Variants in MYZAP observed in about 807,000 individuals in gnomAD.
MYZAP encodes myocardial zonula adherens protein, also known as GRINL1A complex locus upstream.
A neutral mutation model predicts 69.4 loss-of-function variants in MYZAP; 66 were observed. The ratio of observed to expected loss-of-function variants is 0.95; its 90% CI spans 0.78 to 1.17. MYZAP has a LOEUF of 1.17. Ranked by LOEUF, MYZAP falls within the 50% of genes most tolerant of loss-of-function variation. MYZAP has a pLI of 0.00. For synonymous variants in MYZAP, 256 were observed against 205.9 expected (o/e 1.24, Z -2.09); for missense variants, 611 against 556.2 (o/e 1.10, Z -0.99).
At chr15:57,659,774 TTTA>T (rs1201520400) in intron 10 of MYZAP, among the ~76,000 whole-genome samples, 1 of 152,198 alleles carries the variant, frequency 6.6e-6, no homozygotes, top group Admixed American at 6.5e-5. Flanking sequence ...TTGGCTTCAT[TTTA>T]TTTTTTGAAT....
Position 57,630,368 on chromosome 15 carries a change from T to C in MYZAP, c.678+514T>C, listed in dbSNP as rs574133939. The stretch of plus-strand genomic sequence containing the variant: ...GACACTCACCATGGTGCTGTTGTTA[T>C]GTAACTGAGAAGACGCTTGGGATGC... On this transcript the variant is annotated intron_variant, in intron 6 of 12. Transcript: ENST00000267853. 1.3e-5 allele frequency among the ~76,000 whole-genome samples: 2 copies of C among 152,314 alleles called. 1 individual carries two copies. Among genetic ancestry groups the C allele is most frequent in the South Asian group, 4.1e-4 (2 of 4,830 alleles).
In MYZAP at chr15:57,618,175, A is replaced by C. The variant is rs1170667249; in HGVS notation, c.305A>C (p.Asn102Thr). Residue 102 changes from asparagine (N) to threonine (T), a missense_variant, in exon 3 of 13, where the codon AAC becomes ACC. By Grantham distance (65) the Asn-to-Thr change is moderately conservative. Coordinates refer to ENST00000267853, the MANE Select transcript of MYZAP (RefSeq NM_001018100.5). ...ACCAGTCAGCTGAAAGAAGAGATGA[A>C]CTACATCAAAGATGTGAGCCATTTA... is the stretch of plus-strand genomic sequence containing the variant. ...WSTSQLKEEMNYIKDVRATLE... is the reference protein window; with the variant it reads ...WSTSQLKEEMTYIKDVRATLE... 2 of 1,613,732 alleles carry C rather than the reference A, an allele frequency of 1.2e-6. No homozygotes were observed. Among genetic ancestry groups the C allele is most frequent in the Non-Finnish European group, 1.7e-6 (2 of 1,179,944 alleles).
intron 4 of MYZAP, among the ~76,000 whole-genome samples, chr15:57,624,558 G>C (rs117146323): frequency 0.015 from 2,248 of 152,320 alleles, 29 homozygotes; most frequent in South Asian, 0.045. Context: ...ATTCTGCCAT[G>C]ACTGTCAGAC....
chr15:57,665,565 C>T (rs1312845713), intron 11 of MYZAP, among the ~76,000 whole-genome samples: 1 of 152,232 alleles, frequency 6.6e-6, no homozygotes, highest in Non-Finnish European at 1.5e-5. Flanking sequence ...CACATGTCCT[C>T]AGTTAGTCCA....
At chr15:57,604,642 C>T (rs1022241347) in intron 2 of MYZAP, among the ~76,000 whole-genome samples, 19 of 152,142 alleles carry the variant, frequency 1.2e-4, no homozygotes, top group African/African-American at 3.4e-4. Context: ...GGTGCTGTGG[C>T]GGGGAACGTG....
intron 12 of MYZAP, among the ~76,000 whole-genome samples, chr15:57,681,600 C>G (rs2733610): frequency 6.6e-6 from 1 of 152,102 alleles, no homozygotes; most frequent in Non-Finnish European, 1.5e-5. Flanking sequence ...ACTGGCCCAC[C>G]CAGTGAAACT....
intron 2 of MYZAP, among the ~76,000 whole-genome samples, chr15:57,606,518 A>G (rs1319907022): frequency 2.0e-5 from 3 of 148,036 alleles, no homozygotes; most frequent in Non-Finnish European, 4.5e-5. Context: ...AAAAAAAATT[A>G]TATAAAAGAT....
At chr15:57,646,800 T>C in intron 10 of MYZAP, 4 of 985,508 alleles carry the variant, frequency 4.1e-6, no homozygotes, top group Non-Finnish European at 4.8e-6. Context: ...CATCAGCATT[T>C]TGCCTGAATT....
At chr15:57,653,601 T>G (rs1425299283) in intron 10 of MYZAP, among the ~76,000 whole-genome samples, 11 of 152,210 alleles carry the variant, frequency 7.2e-5, no homozygotes, top group Non-Finnish European at 1.3e-4. Flanking sequence ...TTAAAGAGTT[T>G]ATTTGAGCAG....
At position 57,637,591 on chromosome 15, in the gene MYZAP, G is replaced by T; in HGVS notation, c.934-104G>T. On this transcript the variant is annotated intron_variant, in intron 8 of 12. Transcript: ENST00000267853. ...CTGAGCAGGTGTGTAAAACCCAGGG[G>T]GTGTCATATAGACTTGGACTCCCTA... 6.4e-6 allele frequency: 8 copies of T among 1,253,336 alleles called. No homozygotes were observed. The Admixed American group carries it at 1.5e-4, about 24-fold the overall frequency. 77.6% of individuals were successfully genotyped at this position (1,253,336 alleles called of 1,614,324 possible). A position where few individuals can be genotyped will look rare whatever the true frequency, so the allele number is the denominator to read the frequency against.
At chr15:57,644,656 G>C (rs1462449062) in intron 10 of MYZAP, among the ~76,000 whole-genome samples, 1 of 152,068 alleles carries the variant, frequency 6.6e-6, no homozygotes, top group East Asian at 1.9e-4. Context: ...TATAGAGACA[G>C]GGTTTCACTA....
intron 12 of MYZAP, among the ~76,000 whole-genome samples, chr15:57,683,506 A>T (rs998573488): frequency 4.6e-5 from 7 of 152,164 alleles, no homozygotes; most frequent in Admixed American, 1.3e-4. Context: ...TGCATGTTTC[A>T]TATTTTTCTG....
Position 57,591,948 on chromosome 15 carries a change from G to C in MYZAP, c.-87G>C. 8.4e-7 allele frequency: 1 copy of C among 1,188,032 alleles called. No homozygotes were observed. The highest frequency in any genetic ancestry group is 1.1e-6 in the Non-Finnish European group (1 of 947,738). The allele number at this position is 1,188,032 out of a possible 1,614,324, so 73.6% of individuals were successfully genotyped here. ...CTGCAAGTAGCCGGCGCCGTCCCGCGTCGCCCCCGCGCAGGGCGGGCCCCG... is the reference window on the plus strand; with the variant it reads ...CTGCAAGTAGCCGGCGCCGTCCCGCCTCGCCCCCGCGCAGGGCGGGCCCCG... On this transcript the variant is annotated 5_prime_UTR_variant, in exon 1 of 13. Coordinates refer to ENST00000267853, the MANE Select transcript of MYZAP (RefSeq NM_001018100.5).
chr15:57,625,980 A>T, intron 5 of MYZAP, 88 bp downstream of exon 5: 2 of 1,133,818 alleles, frequency 1.8e-6, no homozygotes, highest in Non-Finnish European at 2.6e-6. Context: ...GTCACAGAAC[A>T]TCCTTAGCTC....
chr15:57,605,245 A>C (rs2034671818), intron 2 of MYZAP, among the ~76,000 whole-genome samples: 1 of 152,198 alleles, frequency 6.6e-6, no homozygotes, highest in African/African-American at 2.4e-5. Flanking sequence ...AAGTAAACAA[A>C]ATAATTAAGT....
At chr15:57,668,884 A>G (rs1444264440) in intron 11 of MYZAP, among the ~76,000 whole-genome samples, 1 of 126,398 alleles carries the variant, frequency 7.9e-6, no homozygotes, top group Non-Finnish European at 1.6e-5. Flanking sequence ...ATATATATAT[A>G]TATATATATA....
chr15:57,671,401 T>C lies in MYZAP; in HGVS notation c.1204-3567T>C, dbSNP rs192912096. On this transcript the variant is annotated intron_variant, in intron 11 of 12. Transcript: ENST00000267853. ...TTATCCTGTTTGGGGTTTACTGAGCTTCTTGAATTTGTAAATTTATGTCTT... is the reference window on the plus strand; with the variant it reads ...TTATCCTGTTTGGGGTTTACTGAGCCTCTTGAATTTGTAAATTTATGTCTT... Among the ~76,000 whole-genome samples, 49 of 152,280 alleles carry C rather than the reference T, an allele frequency of 3.2e-4. No individual in the cohort carries two copies. In the East Asian group the frequency reaches 5.2e-3, roughly 16 times the overall value.
At chr15:57,657,736 T>G (rs1317520282) in intron 10 of MYZAP, among the ~76,000 whole-genome samples, 1 of 152,214 alleles carries the variant, frequency 6.6e-6, no homozygotes, top group African/African-American at 2.4e-5. Flanking sequence ...CTTTTTCCTA[T>G]GTTTGAATTA....
chr15:57,683,375 G>A (rs1311443428), intron 12 of MYZAP, among the ~76,000 whole-genome samples: 4 of 152,174 alleles, frequency 2.6e-5, no homozygotes, highest in Middle Eastern at 3.2e-3. Context: ...GGGCAGAGTA[G>A]GGCTGAATGG....
Sources: allele counts gnomAD v4.1 joint callset (sites outside exome capture counted in the v4.1 genomes callset), GRCh38; gene constraint gnomAD v4.1.1; transcripts MANE v1.5; gene names NCBI Gene and HGNC (gene_info 2026-07-23, HGNC 2026-07-21).